Variants in NRXN3 observed in about 807,000 individuals in gnomAD.
NRXN3 encodes neurexin 3.
In NRXN3, 32 loss-of-function variants were observed where a neutral mutation model predicts 137.6. The ratio of observed to expected loss-of-function variants is 0.23; its 90% CI spans 0.18 to 0.31. The LOEUF (loss-of-function observed/expected upper bound fraction) is 0.31. NRXN3 is among the 10% of genes least tolerant of loss of function. NRXN3 has a pLI of 1.00. For missense variants in NRXN3, 1,574 were observed against 2,062.5 expected (o/e 0.76, Z 4.59); for synonymous variants, 798 against 784.5 (o/e 1.02, Z -0.29).
At chr14:78,380,329 G>A (rs112390355) in intron 4 of NRXN3, among the ~76,000 whole-genome samples, 39,099 of 111,702 alleles carry the variant, frequency 0.35, 7,287 homozygotes, top group Admixed American at 0.45. Flanking sequence ...AAAAAAAAAA[G>A]ATGTGTTTAC....
intron 6 of NRXN3, among the ~76,000 whole-genome samples, chr14:78,706,476 T>G (rs945611055): frequency 1.3e-5 from 2 of 152,180 alleles, no homozygotes; most frequent in African/African-American, 2.4e-5. Flanking sequence ...GCCTCACAGG[T>G]GCTGCTAGTG....
intron 9 of NRXN3, 124 bp downstream of exon 9, chr14:78,803,947 A>T: frequency 2.2e-6 from 2 of 904,952 alleles, no homozygotes; most frequent in Non-Finnish European, 3.5e-6. Flanking sequence ...CTCTTGTTTA[A>T]CAGACCCAGG....
intron 4 of NRXN3, among the ~76,000 whole-genome samples, chr14:78,349,328 C>T (rs1361236288): frequency 1.3e-5 from 2 of 152,172 alleles, no homozygotes; most frequent in East Asian, 3.9e-4. Context: ...CCTGGGGATA[C>T]AGGACATTTT....
At chr14:78,478,095 G>A (rs2095410822) in intron 4 of NRXN3, among the ~76,000 whole-genome samples, 1 of 152,166 alleles carries the variant, frequency 6.6e-6, no homozygotes, top group South Asian at 2.1e-4. Context: ...AGAAGCCAGG[G>A]TTTAATGGTT....
chr14:79,506,138 G>T (rs1163026959), intron 16 of NRXN3, among the ~76,000 whole-genome samples: 2 of 152,154 alleles, frequency 1.3e-5, no homozygotes, highest in African/African-American at 4.8e-5. Context: ...GATAACTACA[G>T]GAGTGACATC....
At chr14:78,663,448 C>T (rs2097856498) in intron 6 of NRXN3, among the ~76,000 whole-genome samples, 2 of 152,162 alleles carry the variant, frequency 1.3e-5, no homozygotes, top group Admixed American at 1.3e-4. Context: ...TATTGCTCAA[C>T]CTGCTAACGG....
intron 8 of NRXN3, among the ~76,000 whole-genome samples, chr14:78,737,090 T>C (rs1454057904): frequency 6.6e-6 from 1 of 152,202 alleles, no homozygotes. Context: ...ATTTGTGATA[T>C]TGGCTGTGTT....
At chr14:79,361,996 A>AATTATTATT (rs3036671) in intron 15 of NRXN3, among the ~76,000 whole-genome samples, 11,700 of 141,930 alleles carry the variant, frequency 0.082, 501 homozygotes, top group Middle Eastern at 0.099. Flanking sequence ...CTACTTTTAT[A>AATTATTATT]ATTATTATTA....
At chr14:78,423,149 A>G (rs1272542948) in intron 4 of NRXN3, among the ~76,000 whole-genome samples, 1 of 151,520 alleles carries the variant, frequency 6.6e-6, no homozygotes, top group African/African-American at 2.4e-5. Context: ...ATGTGACAAT[A>G]TAACTACCCT....
intron 15 of NRXN3, among the ~76,000 whole-genome samples, chr14:79,178,261 T>C (rs1380338525): frequency 2.0e-5 from 3 of 152,250 alleles, no homozygotes; most frequent in African/African-American, 7.2e-5. Flanking sequence ...ATGCAATTTT[T>C]TTAAAAAAAT....
At chr14:79,784,172 A>G (rs2099122317) in intron 19 of NRXN3, among the ~76,000 whole-genome samples, 1 of 152,186 alleles carries the variant, frequency 6.6e-6, no homozygotes, top group African/African-American at 2.4e-5. Context: ...ATAAAAACAA[A>G]AAAAATGTGA....
At chr14:79,637,009 A>C (rs545765524) in intron 16 of NRXN3, among the ~76,000 whole-genome samples, 1 of 152,326 alleles carries the variant, frequency 6.6e-6, no homozygotes, top group Non-Finnish European at 1.5e-5. Flanking sequence ...GCTTTAAATG[A>C]TAAAGCATTG....
At chr14:79,470,611 A>AGCAGCAGAATATATTT (rs1189765603) in intron 16 of NRXN3, among the ~76,000 whole-genome samples, 3 of 152,164 alleles carry the variant, frequency 2.0e-5, no homozygotes, top group Non-Finnish European at 4.4e-5. Flanking sequence ...TTCAGAGCAT[A>AGCAGCAGAATATATTT]GCAGCAGAAT....
At chr14:78,495,657 C>A (rs2095766043) in intron 4 of NRXN3, among the ~76,000 whole-genome samples, 1 of 152,044 alleles carries the variant, frequency 6.6e-6, no homozygotes, top group Admixed American at 6.6e-5. Flanking sequence ...TATTAGGGAC[C>A]AGGAATATGC....
chr14:79,818,061 T>G lies in NRXN3; in HGVS notation c.4093+12871T>G, dbSNP rs1486868007. 1.4e-3 allele frequency among the ~76,000 whole-genome samples: 194 copies of G among 142,748 alleles called. 2 individuals are homozygous for G. Among genetic ancestry groups the G allele is most frequent in the African/African-American group, 4.8e-3 (185 of 38,448 alleles). 93.6% of individuals were successfully genotyped at this position (142,748 alleles called of 152,430 possible). Reference sequence around the variant, plus strand: ...GTGCACTTGGGTTTTTTTTTTTTTTTTTTTTTTTTTTTGAGACGGAGTCTC... The same window carrying G: ...GTGCACTTGGGTTTTTTTTTTTTTTGTTTTTTTTTTTTGAGACGGAGTCTC... On this transcript the variant is annotated intron_variant, in intron 20 of 20. Transcript: ENST00000335750.
rs575133468 is a variant in NRXN3 at position 78,813,170 on chromosome 14, T to C, written c.2275+2826T>C. On this transcript the variant is annotated intron_variant, in intron 10 of 20. Transcript: ENST00000335750. ...TAAGAATTCAAAGACATTTCATTTT[T>C]ATTGTGAATCTTCTCTATTTCATCC... 4.8e-4 allele frequency among the ~76,000 whole-genome samples: 73 copies of C among 152,380 alleles called. 1 individual carries two copies. The highest frequency in any genetic ancestry group is 3.4e-3 in the Middle Eastern group (1 of 294).
At chr14:78,331,750 A>G (rs2080845805) in intron 4 of NRXN3, among the ~76,000 whole-genome samples, 1 of 152,196 alleles carries the variant, frequency 6.6e-6, no homozygotes, top group African/African-American at 2.4e-5. Context: ...CTGACATCCT[A>G]AAGACTGGGG....
At chr14:78,215,078 A>G (rs2063119726) in intron 1 of NRXN3, among the ~76,000 whole-genome samples, 1 of 152,090 alleles carries the variant, frequency 6.6e-6, no homozygotes, top group Non-Finnish European at 1.5e-5. Context: ...ACTCTAAAGT[A>G]TTTTACAAAT....
Position 79,605,724 on chromosome 14 carries a change from A to G in NRXN3, c.3445-58054A>G, listed in dbSNP as rs538688382. Reference sequence around the variant, plus strand: ...CGGCTGCTCTTGAACTCCTGACCTCAGGTGATCTGCCTACCTCGGCCTCCC... The same window carrying G: ...CGGCTGCTCTTGAACTCCTGACCTCGGGTGATCTGCCTACCTCGGCCTCCC... On this transcript the variant is annotated intron_variant, in intron 16 of 20. Transcript: ENST00000335750. Among the ~76,000 whole-genome samples, 10 of 152,246 alleles carry G rather than the reference A, an allele frequency of 6.6e-5. No individual in the cohort carries two copies. The South Asian group carries it at 1.7e-3, about 25-fold the overall frequency.
Sources: gnomAD v4.1 joint callset for allele counts (sites outside exome capture counted in the v4.1 genomes callset) on GRCh38, gnomAD v4.1.1 for gene constraint, MANE v1.5 for transcripts, NCBI Gene and HGNC (gene_info 2026-07-23, HGNC 2026-07-21) for gene names.